The following CDH20 variants were observed in gnomAD, a reference collection of about 807,000 sequenced individuals.
The protein encoded by CDH20 is cadherin-20.
In CDH20, 29 loss-of-function variants were observed where a neutral mutation model predicts 74.2. The ratio of observed to expected loss-of-function variants is 0.39; its 90% CI spans 0.29 to 0.53. CDH20 has a LOEUF of 0.53. CDH20 is among the 20% of genes least tolerant of loss of function. The pLI is 0.69. For synonymous variants in CDH20, 469 were observed against 405.4 expected, an observed-to-expected ratio of 1.16 and a Z score of -1.88; for missense variants, 988 against 1,048.3, an observed-to-expected ratio of 0.94 and a Z score of 0.79.
At chr18:61,493,594 C>G (rs1306496392) in intron 2 of CDH20, among the ~76,000 whole-genome samples, 4 of 152,226 alleles carry the variant, frequency 2.6e-5, no homozygotes, top group African/African-American at 9.6e-5. Context: ...CCTGACCCCA[C>G]ATGTGTGCCC....
chr18:61,468,119 G>A (rs902377596), intron 1 of CDH20, among the ~76,000 whole-genome samples: 1 of 152,174 alleles, frequency 6.6e-6, no homozygotes, highest in African/African-American at 2.4e-5. Flanking sequence ...ATGTGATTCT[G>A]TACATATCAC....
intron 7 of CDH20, among the ~76,000 whole-genome samples, chr18:61,535,154 A>G (rs1354615952): frequency 6.6e-6 from 1 of 151,936 alleles, no homozygotes; most frequent in Non-Finnish European, 1.5e-5. Context: ...TGTCTCTACT[A>G]AAAATATAAA....
At chr18:61,385,523 G>A (rs191699380) in intron 1 of CDH20, among the ~76,000 whole-genome samples, 42 of 150,848 alleles carry the variant, frequency 2.8e-4, no homozygotes, top group African/African-American at 9.5e-4. Context: ...TAATATCAAC[G>A]AACATAATGG....
chr18:61,496,574 G>A (rs1443597695), intron 2 of CDH20, among the ~76,000 whole-genome samples: 1 of 152,160 alleles, frequency 6.6e-6, no homozygotes, highest in Non-Finnish European at 1.5e-5. Context: ...GCTCCCAGGA[G>A]TCAGGGGCGC....
intron 6 of CDH20, among the ~76,000 whole-genome samples, chr18:61,522,283 AGAGCCAAATCATGAGT>A (rs1306287419): frequency 6.6e-6 from 1 of 152,052 alleles, no homozygotes; most frequent in African/African-American, 2.4e-5. Context: ...TAATAGATAG[AGAGCCAAATCATGAGT>A]GAACTCTCAT....
At chr18:61,366,708 T>C (rs1244850727) in intron 1 of CDH20, among the ~76,000 whole-genome samples, 1 of 152,132 alleles carries the variant, frequency 6.6e-6, no homozygotes, top group East Asian at 1.9e-4. Context: ...ACTTGAAGAT[T>C]TATAATGTTG....
At chr18:61,360,953 A>G (rs957604106) in intron 1 of CDH20, among the ~76,000 whole-genome samples, 1 of 152,244 alleles carries the variant, frequency 6.6e-6, no homozygotes, top group African/African-American at 2.4e-5. Flanking sequence ...CAATAAGCAA[A>G]TGACTGTGAT....
intron 6 of CDH20, among the ~76,000 whole-genome samples, chr18:61,510,952 A>T (rs35525533): frequency 0.044 from 6,494 of 147,382 alleles, 199 homozygotes; most frequent in African/African-American, 0.077. Context: ...TTTTTGAATT[A>T]TTGGGTTTTT....
At chr18:61,399,158 C>T (rs925914441) in intron 1 of CDH20, among the ~76,000 whole-genome samples, 10 of 132,910 alleles carry the variant, frequency 7.5e-5, no homozygotes, top group African/African-American at 2.4e-4. Flanking sequence ...CCAACCTCTC[C>T]GATCCTGACT....
intron 1 of CDH20, among the ~76,000 whole-genome samples, chr18:61,416,718 C>T (rs1475698209): frequency 1.3e-5 from 2 of 152,196 alleles, no homozygotes; most frequent in African/African-American, 4.8e-5. Context: ...GACACATGAC[C>T]ACACCTAGGT....
chr18:61,337,683 T>A (rs1259018402), intron 1 of CDH20, among the ~76,000 whole-genome samples: 1 of 152,178 alleles, frequency 6.6e-6, no homozygotes, highest in African/African-American at 2.4e-5. Flanking sequence ...TGTGACTTAT[T>A]GTTATTTACT....
chr18:61,380,532 G>T (rs768945168), intron 1 of CDH20, among the ~76,000 whole-genome samples: 1 of 152,138 alleles, frequency 6.6e-6, no homozygotes, highest in African/African-American at 2.4e-5. Context: ...CAAGACAACC[G>T]GGCACAGTGG....
chr18:61,453,135 C>T (rs1298890532), intron 1 of CDH20, among the ~76,000 whole-genome samples: 1 of 152,104 alleles, frequency 6.6e-6, no homozygotes, highest in African/African-American at 2.4e-5. Context: ...TTTATGTTAC[C>T]CTTTTATAGC....
At chr18:61,523,381 A>G (rs1348707186) in intron 6 of CDH20, among the ~76,000 whole-genome samples, 2 of 152,234 alleles carry the variant, frequency 1.3e-5, no homozygotes, top group African/African-American at 2.4e-5. Flanking sequence ...ATCTTATGCC[A>G]GTTAGAATGG....
In CDH20 at chr18:61,360,806, G is replaced by A. The variant is rs1026259217; in HGVS notation, c.-153+26979G>A. Among the ~76,000 whole-genome samples the A allele has an allele frequency of 4.6e-5, 7 of 152,330 alleles. No individual in the cohort carries two copies. In the South Asian group the frequency reaches 6.2e-4, roughly 14 times the overall value. On this transcript the variant is annotated intron_variant, in intron 1 of 11. Transcript: ENST00000262717. The stretch of plus-strand genomic sequence containing the variant: ...AACACCACTTGCCCCAAGGCTGGCC[G>A]CAGACAAAGAAGTGGGGAACAGCAT...
At chr18:61,461,637 GACAAAATGC>G (rs1397578997) in intron 1 of CDH20, among the ~76,000 whole-genome samples, 2 of 152,096 alleles carry the variant, frequency 1.3e-5, no homozygotes, top group African/African-American at 4.8e-5. Flanking sequence ...CAAATAATTG[GACAAAATGC>G]ACAAACAAAG....
chr18:61,508,859 ACTC>A (rs1225336262), intron 6 of CDH20, among the ~76,000 whole-genome samples: 1 of 152,082 alleles, frequency 6.6e-6, no homozygotes, highest in African/African-American at 2.4e-5. Context: ...CTGGTTGTGA[ACTC>A]CTGAGCTCAG....
intron 1 of CDH20, among the ~76,000 whole-genome samples, chr18:61,352,871 A>G (rs1910355629): frequency 6.6e-6 from 1 of 152,216 alleles, no homozygotes; most frequent in Non-Finnish European, 1.5e-5. Context: ...TCATTCATAG[A>G]AGTTCTCATT....
Position 61,555,096 on chromosome 18 carries a change from G to GT in CDH20, c.*407dup, listed in dbSNP as rs1913585552. The GT allele has an allele frequency of 2.9e-6, 3 of 1,026,570 alleles. No individual in the cohort carries two copies. The South Asian group carries it at 1.3e-4, about 45-fold the overall frequency. The allele number at this position is 1,026,570 out of a possible 1,614,324, so 63.6% of individuals were successfully genotyped here. On this transcript the variant is annotated 3_prime_UTR_variant, in exon 12 of 12. Transcript: ENST00000262717. ...AGCAGAAAGTTCTACTCTCGTATCT[G>GT]TTTTTTATCTTATCTTATTCTCCAT... is the stretch of plus-strand genomic sequence containing the variant.
Sources: gnomAD v4.1 joint callset for allele counts (sites outside exome capture counted in the v4.1 genomes callset) on GRCh38, gnomAD v4.1.1 for gene constraint, MANE v1.5 for transcripts, NCBI Gene and HGNC (gene_info 2026-07-23, HGNC 2026-07-21) for gene names.